Variants in STXBP5L observed in about 807,000 individuals in gnomAD.
STXBP5L encodes syntaxin-binding protein 5-like.
STXBP5L carries 65 observed loss-of-function variants against 144.5 expected under a neutral mutation model. The observed-to-expected ratio is 0.45, with a 90% confidence interval of 0.37 to 0.55. The LOEUF is 0.55. Ranked by LOEUF, STXBP5L falls within the 20% of genes least tolerant of loss-of-function variation. STXBP5L has a pLI of 0.00. For synonymous variants in STXBP5L, 505 were observed against 469.6 expected, an observed-to-expected ratio of 1.08 and a Z score of -0.97; for missense variants, 1,298 against 1,405.5, an observed-to-expected ratio of 0.92 and a Z score of 1.22.
chr3:121,323,204 T>C (rs935890464), intron 20 of STXBP5L, among the ~76,000 whole-genome samples: 4 of 152,316 alleles, frequency 2.6e-5, no homozygotes, highest in African/African-American at 4.8e-5. Flanking sequence ...TAGGTCCCAC[T>C]CATCAATTTT....
At chr3:121,024,965 A>G (rs960366393) in intron 3 of STXBP5L, among the ~76,000 whole-genome samples, 3 of 152,202 alleles carry the variant, frequency 2.0e-5, no homozygotes, top group Non-Finnish European at 2.9e-5. Context: ...AATATTGTAT[A>G]TAACAGAATG....
At chr3:121,016,325 A>G (rs868522552) in intron 3 of STXBP5L, among the ~76,000 whole-genome samples, 1 of 152,232 alleles carries the variant, frequency 6.6e-6, no homozygotes, top group Non-Finnish European at 1.5e-5. Context: ...CAATGAAACT[A>G]TGTGAAAAGA....
At chr3:121,017,418 C>A (rs1945220309) in intron 3 of STXBP5L, among the ~76,000 whole-genome samples, 1 of 152,212 alleles carries the variant, frequency 6.6e-6, no homozygotes, top group Non-Finnish European at 1.5e-5. Flanking sequence ...TATTTAACAT[C>A]TTAGTGGAAG....
At chr3:120,988,294 C>G (rs1180981806) in intron 3 of STXBP5L, among the ~76,000 whole-genome samples, 2 of 151,738 alleles carry the variant, frequency 1.3e-5, no homozygotes. Context: ...TGTTTTAATA[C>G]AGGTGTTTTT....
chr3:121,219,305 C>A (rs1320870895), intron 10 of STXBP5L, among the ~76,000 whole-genome samples: 1 of 152,116 alleles, frequency 6.6e-6, no homozygotes. Flanking sequence ...CCAACTATTA[C>A]ACGGCAGAAA....
chr3:121,344,276 G>C (rs1285598592), intron 20 of STXBP5L, among the ~76,000 whole-genome samples: 1 of 152,078 alleles, frequency 6.6e-6, no homozygotes, highest in Non-Finnish European at 1.5e-5. Flanking sequence ...TTAAACATTA[G>C]ACCTAAAACC....
At chr3:121,089,782 T>G (rs1217401769) in intron 5 of STXBP5L, among the ~76,000 whole-genome samples, 1 of 152,020 alleles carries the variant, frequency 6.6e-6, no homozygotes, top group Non-Finnish European at 1.5e-5. Flanking sequence ...TATTATTTGT[T>G]TTTTCAGATT....
At chr3:121,044,618 A>G (rs774471951) in intron 4 of STXBP5L, among the ~76,000 whole-genome samples, 2 of 152,158 alleles carry the variant, frequency 1.3e-5, no homozygotes, top group Non-Finnish European at 2.9e-5. Context: ...GTAAGCATCG[A>G]CATTTTCAGC....
rs186547538 is a variant in STXBP5L at position 121,369,475 on chromosome 3, G to A, written c.2177-9241G>A. Among the ~76,000 whole-genome samples, 310 of 151,612 alleles carry A rather than the reference G, an allele frequency of 2.0e-3. 3 individuals are homozygous for A. Among genetic ancestry groups the A allele is most frequent in the African/African-American group, 5.5e-3 (226 of 41,324 alleles). The stretch of plus-strand genomic sequence containing the variant: ...CTGAAATTCTAAAGATGATTATTTT[G>A]AATTCTTTGTCAGACATTTCTTAAA... On this transcript the variant is annotated intron_variant, in intron 20 of 26. Transcript: ENST00000471454.
At chr3:121,129,284 T>A (rs545113181) in intron 7 of STXBP5L, among the ~76,000 whole-genome samples, 2 of 152,182 alleles carry the variant, frequency 1.3e-5, no homozygotes, top group South Asian at 4.1e-4. Context: ...CTCCTGAAAC[T>A]GTCTTCCTCT....
intron 6 of STXBP5L, among the ~76,000 whole-genome samples, chr3:121,121,307 GTTCTT>G (rs1463904332): frequency 6.6e-6 from 1 of 151,126 alleles, no homozygotes; most frequent in South Asian, 2.1e-4. Flanking sequence ...TAGCTGTAGT[GTTCTT>G]TTATCTATGT....
chr3:121,390,342 A>G (rs1307560252), intron 22 of STXBP5L, among the ~76,000 whole-genome samples: 1 of 152,062 alleles, frequency 6.6e-6, no homozygotes, highest in African/African-American at 2.4e-5. Flanking sequence ...TCTTCATCCA[A>G]TTTGCCAGTC....
At chr3:121,056,779 A>G (rs1490167893) in intron 5 of STXBP5L, among the ~76,000 whole-genome samples, 1 of 152,022 alleles carries the variant, frequency 6.6e-6, no homozygotes, top group Non-Finnish European at 1.5e-5. Flanking sequence ...TTCATTACAT[A>G]CATATATAAG....
chr3:121,105,640 G>C (rs1398431966), intron 5 of STXBP5L, among the ~76,000 whole-genome samples: 3 of 152,076 alleles, frequency 2.0e-5, no homozygotes, highest in Non-Finnish European at 4.4e-5. Flanking sequence ...CTGGTAAACA[G>C]TATGGAGATT....
chr3:121,135,675 G>A (rs772524748), intron 7 of STXBP5L, among the ~76,000 whole-genome samples: 14 of 152,114 alleles, frequency 9.2e-5, no homozygotes, highest in African/African-American at 3.1e-4. Context: ...TGCGAGTGAC[G>A]GGGATCAGCT....
chr3:121,392,653 C>G (rs1325895311), intron 22 of STXBP5L, among the ~76,000 whole-genome samples: 2 of 151,928 alleles, frequency 1.3e-5, no homozygotes, highest in Non-Finnish European at 2.9e-5. Context: ...TGACCTTTCA[C>G]TACATATCCT....
chr3:121,096,746 G>T (rs1396731309), intron 5 of STXBP5L, among the ~76,000 whole-genome samples: 1 of 152,110 alleles, frequency 6.6e-6, no homozygotes, highest in Non-Finnish European at 1.5e-5. Flanking sequence ...CCTACCAGTT[G>T]CCAGCCAGAG....
At chr3:121,040,416 A>T (rs1317196392) in intron 3 of STXBP5L, among the ~76,000 whole-genome samples, 1 of 152,104 alleles carries the variant, frequency 6.6e-6, no homozygotes, top group Non-Finnish European at 1.5e-5. Context: ...TGGTGGGAAC[A>T]TGAAAAATTC....
chr3:120,947,640 C>A (rs1240199480), intron 2 of STXBP5L, among the ~76,000 whole-genome samples: 2 of 151,748 alleles, frequency 1.3e-5, no homozygotes, highest in African/African-American at 4.8e-5. Context: ...ACCCCCATCC[C>A]TTGGCAACCA....
Sources: allele counts gnomAD v4.1 joint callset (sites outside exome capture counted in the v4.1 genomes callset), GRCh38; gene constraint gnomAD v4.1.1; transcripts MANE v1.5; gene names NCBI Gene and HGNC (gene_info 2026-07-23, HGNC 2026-07-21).